The following DYNC2H1 variants were observed in gnomAD, a reference collection of about 807,000 sequenced individuals.
DYNC2H1 encodes the protein dynein cytoplasmic 2 heavy chain 1, also known as cytoplasmic dynein 2 heavy chain 1.
In DYNC2H1, 410 loss-of-function variants were observed where a neutral mutation model predicts 570.0. The observed-to-expected ratio is 0.72, with a 90% CI of 0.66 to 0.78. DYNC2H1 has a LOEUF of 0.78. DYNC2H1 is among the 30% of genes least tolerant of loss of function. The probability of loss-of-function intolerance (pLI) is 0.00; values close to 1 mark genes in which losing one functional copy is unlikely to be tolerated. For missense variants in DYNC2H1, 4,865 were observed against 5,046.4 expected (o/e 0.96, Z 1.09); for synonymous variants, 1,688 against 1,677.6 (o/e 1.01, Z -0.15).
chr11:103,423,195 C>G (rs1183639105), intron 84 of DYNC2H1, among the ~76,000 whole-genome samples: 2 of 151,514 alleles, frequency 1.3e-5, no homozygotes, highest in Non-Finnish European at 2.9e-5. Flanking sequence ...GAATGAAGAT[C>G]AGTGGAATGG....
chr11:103,122,509 A>C (rs928466354), intron 10 of DYNC2H1, among the ~76,000 whole-genome samples: 1 of 152,208 alleles, frequency 6.6e-6, no homozygotes, highest in Non-Finnish European at 1.5e-5. Context: ...GTAATGCTGA[A>C]GTTCTCAGAG....
At chr11:103,169,925 T>G (rs1298554310) in intron 32 of DYNC2H1, among the ~76,000 whole-genome samples, 183 bp from the exon 33 acceptor site, 3 of 152,222 alleles carry the variant, frequency 2.0e-5, no homozygotes, top group Admixed American at 6.5e-5. Context: ...AAAAATAAGT[T>G]TGATTTCAGC....
In DYNC2H1 at chr11:103,187,481, A is replaced by C; in HGVS notation, c.7035A>C (p.Val2345=). ...CMVISTNTGR[V]YRPKDCERLV... is the part of the protein sequence containing the mutation. ...TAATCAGTACTAATACTGGTCGTGTATACAGACCAAAAGACTGTGAAAGAC... is the reference window on the plus strand; with the variant it reads ...TAATCAGTACTAATACTGGTCGTGTCTACAGACCAAAAGACTGTGAAAGAC... Residue 2345 remains valine (V), a synonymous_variant, in exon 43 of 89, where the codon GTA becomes GTC. Coordinates refer to ENST00000375735, the MANE Select transcript of DYNC2H1 (RefSeq NM_001377.3). 4 of 1,613,438 alleles carry C rather than the reference A, an allele frequency of 2.5e-6. No homozygotes were observed. Among genetic ancestry groups the C allele is most frequent in the Non-Finnish European group, 2.5e-6 (3 of 1,179,514 alleles).
chr11:103,116,630 C>G lies in DYNC2H1; in HGVS notation c.682C>G (p.Gln228Glu). The G allele has an allele frequency of 6.2e-7, 1 of 1,609,858 alleles. No homozygotes were observed. Among genetic ancestry groups the G allele is most frequent in the Non-Finnish European group, 8.5e-7 (1 of 1,177,548 alleles). Residue 228 changes from glutamine (Q) to glutamate (E), a missense_variant, in exon 5 of 89, where the codon CAG (glutamine) becomes GAG (glutamate). Physicochemically the swap from Gln to Glu is conservative, Grantham distance 29. Around this residue, in one of 5 missense-constraint regions of DYNC2H1, gnomAD observed 1,936 missense variants for 1,962.1 expected, o/e 0.99. Transcript: ENST00000375735. ...LEVVDLVETT[Q>E]DVVDDVWRQT... ...AGTTGTTGACTTGGTGGAGACTACT[C>G]AGGATGTTGTAGATGATGTGTGGAG...
rs1308392689 is a variant in DYNC2H1, at chr11:103,439,819, G to C, written c.12456+3787G>C. On this transcript the variant is annotated intron_variant, in intron 85 of 88. Coordinates refer to ENST00000375735, the MANE Select transcript of DYNC2H1 (RefSeq NM_001377.3). This position sits in a 1 kb window ranked among gnomAD's most constrained non-coding sequence, Gnocchi z 4.1. ...GAACAAAGGAATTAACAAATGAATG[G>C]ACTGGACAGATTACTCTCTTTGGGG... 1.3e-5 allele frequency among the ~76,000 whole-genome samples: 2 copies of C among 152,124 alleles called. No individual in the cohort carries two copies. Among genetic ancestry groups the C allele is most frequent in the African/African-American group, 4.8e-5 (2 of 41,418 alleles).
chr11:103,260,281 ATCC>A (rs1341287914), intron 70 of DYNC2H1, among the ~76,000 whole-genome samples: 2 of 152,170 alleles, frequency 1.3e-5, no homozygotes, highest in Admixed American at 6.5e-5. Flanking sequence ...AGACTTTCTC[ATCC>A]TCAGCAACTG....
intron 84 of DYNC2H1, among the ~76,000 whole-genome samples, chr11:103,415,012 C>A (rs550203597): frequency 7.2e-5 from 11 of 152,132 alleles, no homozygotes; most frequent in Admixed American, 2.6e-4. Flanking sequence ...CATTGACTTT[C>A]TTCACAGAAT....
chr11:103,446,124 G>A lies in DYNC2H1; in HGVS notation c.12457-9062G>A, dbSNP rs1295506359. Among the ~76,000 whole-genome samples, 4 of 152,124 alleles carry A rather than the reference G, an allele frequency of 2.6e-5. No individual in the cohort carries two copies. The East Asian group carries it at 5.8e-4, about 22-fold the overall frequency. On this transcript the variant is annotated intron_variant, in intron 85 of 88. Transcript: ENST00000375735. This position sits in a 1 kb window ranked among gnomAD's most constrained non-coding sequence, Gnocchi z 4.5. ...AAAAGTTCTAATTTGAACATGATAA[G>A]TTTAGATGTCTTTTAGACATCTTGG...
At chr11:103,372,683 T>G (rs1941220406) in intron 83 of DYNC2H1, among the ~76,000 whole-genome samples, 1 of 152,220 alleles carries the variant, frequency 6.6e-6, no homozygotes, top group Non-Finnish European at 1.5e-5. Context: ...GCCTGTAGTT[T>G]GCTTTTTCTT....
intron 82 of DYNC2H1, among the ~76,000 whole-genome samples, chr11:103,355,163 A>G (rs1207042105): frequency 6.6e-6 from 1 of 151,904 alleles, no homozygotes; most frequent in Non-Finnish European, 1.5e-5. Flanking sequence ...TCATTAGTTG[A>G]TGATGTTCTT....
chr11:103,235,209 C>A (rs1864175196), intron 61 of DYNC2H1, among the ~76,000 whole-genome samples: 1 of 151,924 alleles, frequency 6.6e-6, no homozygotes, highest in Non-Finnish European at 1.5e-5. Context: ...CTTTCACAAT[C>A]TGCCTTTAAT....
chr11:103,366,271 CAT>C (rs571136655), intron 83 of DYNC2H1, among the ~76,000 whole-genome samples: 59 of 152,202 alleles, frequency 3.9e-4, no homozygotes, highest in African/African-American at 1.3e-3. Flanking sequence ...TTCTTGAGCA[CAT>C]GTGTGCATAT....
intron 55 of DYNC2H1, among the ~76,000 whole-genome samples, chr11:103,217,688 T>C (rs1006917283): frequency 2.0e-5 from 3 of 152,116 alleles, no homozygotes; most frequent in African/African-American, 7.2e-5. Flanking sequence ...ACTTGTTTGA[T>C]GTGATATCAA....
At chr11:103,286,021 A>G (rs909904997) in intron 73 of DYNC2H1, among the ~76,000 whole-genome samples, 2 of 152,198 alleles carry the variant, frequency 1.3e-5, no homozygotes, top group Non-Finnish European at 2.9e-5. Flanking sequence ...GAAAAGATTA[A>G]CTCATGAGTA....
intron 52 of DYNC2H1, among the ~76,000 whole-genome samples, chr11:103,206,037 A>G (rs583888): frequency 0.94 from 143,767 of 152,248 alleles, 67,952 homozygotes; most frequent in African/African-American, 0.98. Context: ...GACTATAGAG[A>G]GCAATGGTTG....
chr11:103,237,056 G>A lies in DYNC2H1; in HGVS notation c.9819+517G>A, dbSNP rs1043741229. On this transcript the variant is annotated intron_variant, in intron 63 of 88. Transcript: ENST00000375735. ...AATAGCATAACCTTATTATCAGTGA[G>A]TGTGAAAACCAAATTCAAAGCCATG... 8.6e-5 allele frequency among the ~76,000 whole-genome samples: 13 copies of A among 151,918 alleles called. 1 individual carries two copies. The highest frequency in any genetic ancestry group is 1.5e-4 in the Non-Finnish European group (10 of 67,864).
At position 103,249,270 on chromosome 11, in the gene DYNC2H1, A is replaced by G. The variant is rs532857782; in HGVS notation, c.10042+3896A>G. Among the ~76,000 whole-genome samples the G allele has an allele frequency of 3.1e-4, 47 of 152,180 alleles. 1 individual carries two copies. In the South Asian group the frequency reaches 9.3e-3, roughly 30 times the overall value. ...AAAGTAGTACATGCATGGGTTGTAA[A>G]GTCAAATGATACAGAAGTGCAGCAG... On this transcript the variant is annotated intron_variant, in intron 65 of 88. Coordinates refer to ENST00000375735, the MANE Select transcript of DYNC2H1 (RefSeq NM_001377.3). This position sits in a 1 kb window ranked among gnomAD's most constrained non-coding sequence, Gnocchi z 4.6.
chr11:103,150,630 T>G (rs1414098843), intron 20 of DYNC2H1, among the ~76,000 whole-genome samples: 1 of 152,142 alleles, frequency 6.6e-6, no homozygotes, highest in African/African-American at 2.4e-5. Context: ...AAATACAAAT[T>G]TTGAAGTCTT....
chr11:103,339,702 C>G (rs1188844633), intron 82 of DYNC2H1, among the ~76,000 whole-genome samples: 3 of 152,146 alleles, frequency 2.0e-5, no homozygotes, highest in Non-Finnish European at 2.9e-5. Flanking sequence ...ATTCCAAGCC[C>G]AGTCTCTGAT....
Sources: allele counts gnomAD v4.1 joint callset (sites outside exome capture counted in the v4.1 genomes callset), GRCh38; gene constraint gnomAD v4.1.1; regional missense constraint gnomAD v4.1.1; non-coding constraint Gnocchi (gnomAD v3.1); transcripts MANE v1.5; gene names NCBI Gene and HGNC (gene_info 2026-07-23, HGNC 2026-07-21).